The following SLC26A1 variants were observed in gnomAD, a reference collection of about 807,000 sequenced individuals.
The protein encoded by SLC26A1 is sulfate anion transporter 1.
A neutral mutation model predicts 14.5 loss-of-function variants in SLC26A1; 18 were observed. The ratio of observed to expected loss-of-function variants is 1.24; its 90% CI spans 0.86 to 1.84. SLC26A1 has a LOEUF of 1.84. SLC26A1 is among the 40% of genes most tolerant of loss of function. The pLI is 0.00. For synonymous variants in SLC26A1, 505 were observed against 492.0 expected, an observed-to-expected ratio of 1.03 and a Z score of -0.35; for missense variants, 1,049 against 1,020.0, an observed-to-expected ratio of 1.03 and a Z score of -0.39.
Position 988,128 on chromosome 4 carries a change from C to A in SLC26A1, c.*705G>T. 4 of 1,413,118 alleles carry A rather than the reference C, an allele frequency of 2.8e-6. No homozygotes were observed. Among genetic ancestry groups the A allele is most frequent in the Non-Finnish European group, 2.8e-6 (3 of 1,085,834 alleles). 87.5% of individuals were successfully genotyped at this position (1,413,118 alleles called of 1,614,324 possible). Reference sequence around the variant, plus strand: ...GTGAGGGCTGTGTGCTGGAGGGAGCCCCTGCATGGGGCACGGTGGGCTTCC... The same window carrying A: ...GTGAGGGCTGTGTGCTGGAGGGAGCACCTGCATGGGGCACGGTGGGCTTCC... On this transcript the variant is annotated 3_prime_UTR_variant, in exon 3 of 3. Coordinates refer to ENST00000398516, the MANE Select transcript of SLC26A1 (RefSeq NM_022042.4).
intron 2 of SLC26A1, among the ~76,000 whole-genome samples, chr4:982,337 G>T (rs1340485678): frequency 6.6e-6 from 1 of 152,172 alleles, no homozygotes; most frequent in Admixed American, 6.5e-5. Flanking sequence ...CTGTGGGAGG[G>T]GGCGGCTTCC....
At position 988,015 on chromosome 4, in the gene SLC26A1, C is replaced by T. The variant is rs1713881336; in HGVS notation, c.*818G>A. 8 of 1,509,726 alleles carry T rather than the reference C, an allele frequency of 5.3e-6. No homozygotes were observed. Among genetic ancestry groups the T allele is most frequent in the South Asian group, 1.2e-5 (1 of 80,018 alleles). 93.5% of individuals were successfully genotyped at this position (1,509,726 alleles called of 1,614,324 possible). A position where few individuals can be genotyped will look rare whatever the true frequency, so the allele number is the denominator to read the frequency against. ...CAGAGGCACAGATGGGAGGGGAGGG[C>T]TGGGGGCTGCTCGGAAGACCCCTTG... On this transcript the variant is annotated 3_prime_UTR_variant, in exon 3 of 3. Transcript: ENST00000398516.
chr4:987,342 C>G (rs1171961285), downstream of SLC26A1: 3 of 1,155,308 alleles, frequency 2.6e-6, no homozygotes, highest in East Asian at 2.9e-5. Context: ...GGAGCTCCCT[C>G]CTCTGGGGCC....
chr4:989,782 A>G lies in SLC26A1; in HGVS notation c.1157T>C (p.Leu386Pro). 3 of 1,567,350 alleles carry G rather than the reference A, an allele frequency of 1.9e-6. No individual in the cohort carries two copies. Among genetic ancestry groups the G allele is most frequent in the Non-Finnish European group, 2.6e-6 (3 of 1,156,852 alleles). The stretch of plus-strand genomic sequence containing the variant: ...GGCGAAGCAGTGGAGGAAGGCGGGT[A>G]GCACGTTGCAGCAGCCCACAGCCAG... The part of the protein sequence containing the change: ...ELLAVGCCNV[L>P]PAFLHCFATS... Residue 386 changes from leucine (L) to proline (P), a missense_variant, in exon 3 of 3, where the codon CTA becomes CCA. Leu to Pro is a moderately conservative substitution (Grantham distance 98, BLOSUM62 -3). Coordinates refer to ENST00000398516, the MANE Select transcript of SLC26A1 (RefSeq NM_022042.4).
chr4:990,420 C>T, intron 2 of SLC26A1, 58 bp from the exon 3 acceptor site: 11 of 1,485,568 alleles, frequency 7.4e-6, no homozygotes, highest in Non-Finnish European at 1.0e-5. Context: ...CTGCCCCTCA[C>T]CAGCACCTGG....
chr4:980,383 C>T (rs571313354), intron 2 of SLC26A1, among the ~76,000 whole-genome samples: 7 of 152,220 alleles, frequency 4.6e-5, no homozygotes, highest in South Asian at 2.1e-4. Flanking sequence ...GTCAAGAGAT[C>T]GAGACCATCC....
Position 989,599 on chromosome 4 carries a change from A to G in SLC26A1, c.1340T>C (p.Val447Ala), listed in dbSNP as rs1714073924. 2 of 1,601,660 alleles carry G rather than the reference A, an allele frequency of 1.2e-6. No individual in the cohort carries two copies. Among genetic ancestry groups the G allele is most frequent in the Non-Finnish European group, 1.7e-6 (2 of 1,175,776 alleles). The change falls in exon 3 of 3, where the codon GTG becomes GCG. Residue 447 changes from valine (V) to alanine (A), a missense_variant. Coordinates refer to ENST00000398516, the MANE Select transcript of SLC26A1 (RefSeq NM_022042.4). The stretch of plus-strand genomic sequence containing the variant: ...GCGCAGGGCCCCCCGCAGGCTGACC[A>G]CGATGACGCAGGCCAGCACGCTTCG... ...LQRSVLACVI[V>A]VSLRGALRKV...
At chr4:985,317 C>G (rs955717722), downstream of SLC26A1, among the ~76,000 whole-genome samples, 1 of 152,288 alleles carries the variant, frequency 6.6e-6, no homozygotes, top group Non-Finnish European at 1.5e-5. Flanking sequence ...GCCCCGCCCC[C>G]TCCCGGCTTG....
chr4:979,466 C>A, exon 3 of SLC26A1: 1 of 1,613,754 alleles, frequency 6.2e-7, no homozygotes, highest in Non-Finnish European at 8.5e-7. Flanking sequence ...GTGTTAATTG[C>A]CATGGGTGTT....
Position 990,125 on chromosome 4 carries a change from C to G in SLC26A1, c.814G>C (p.Ala272Pro). The G allele has an allele frequency of 6.3e-7, 1 of 1,576,642 alleles. No individual in the cohort carries two copies. The highest frequency in any genetic ancestry group is 2.3e-5 in the East Asian group (1 of 42,882). Residue 272 changes from alanine to proline, a missense_variant, in exon 3 of 3, where the codon GCG becomes CCG. Transcript: ENST00000398516. ...CDVVTSTVCL[A>P]VLLAAKELSD... ...AGCTCCTTCGCGGCTAGCAGCACCG[C>G]CAGGCACACCGTGCTGGTGACCACG... is the stretch of plus-strand genomic sequence containing the variant.
At chr4:980,023 A>G (rs1713490851) in intron 2 of SLC26A1, among the ~76,000 whole-genome samples, 1 of 152,232 alleles carries the variant, frequency 6.6e-6, no homozygotes, top group Admixed American at 6.5e-5. Context: ...ACACAGGGCC[A>G]CGGAGTGGAG....
Position 988,749 on chromosome 4 carries a change from T to C in SLC26A1, c.*84A>G. The C allele has an allele frequency of 2.1e-6, 3 of 1,436,974 alleles. No homozygotes were observed. Among genetic ancestry groups the C allele is most frequent in the Non-Finnish European group, 2.7e-6 (3 of 1,096,716 alleles). The allele number at this position is 1,436,974 out of a possible 1,614,324, so 89.0% of individuals were successfully genotyped here. ...GTGCAGCTCTTGGGTGGCTCCTCCC[T>C]GGGAAGGGTCTCAGCAGTGGCTTGC... On this transcript the variant is annotated 3_prime_UTR_variant, in exon 3 of 3. Coordinates refer to ENST00000398516, the MANE Select transcript of SLC26A1 (RefSeq NM_022042.4).
At position 988,361 on chromosome 4, in the gene SLC26A1, C is replaced by A; in HGVS notation, c.*472G>T. The A allele has an allele frequency of 5.6e-6, 6 of 1,076,788 alleles. No individual in the cohort carries two copies. The highest frequency in any genetic ancestry group is 6.8e-6 in the Non-Finnish European group (6 of 887,388). 66.7% of individuals were successfully genotyped at this position (1,076,788 alleles called of 1,614,324 possible). A position where few individuals can be genotyped will look rare whatever the true frequency, so the allele number is the denominator to read the frequency against. On this transcript the variant is annotated 3_prime_UTR_variant, in exon 3 of 3. Coordinates refer to ENST00000398516, the MANE Select transcript of SLC26A1 (RefSeq NM_022042.4). ...AGGGGGAGGCACGAGGTGTGAGGGGCACTTGGGTGTGTGGGGCCTTCTGGA... is the reference window on the plus strand; with the variant it reads ...AGGGGGAGGCACGAGGTGTGAGGGGAACTTGGGTGTGTGGGGCCTTCTGGA...
At position 987,896 on chromosome 4, in the gene SLC26A1, C is replaced by G. The variant is rs148775298; in HGVS notation, c.*937G>C. The G allele has an allele frequency of 5.1e-3, 8,173 of 1,609,594 alleles. 32 individuals carry two copies. Among genetic ancestry groups the G allele is most frequent in the Non-Finnish European group, 6.3e-3 (7,368 of 1,178,670 alleles). ...TCGCCTATGTGGGCGCCGTCCCTCACCGCGGCATCAAGCAGGTCCGGACCC... is the reference window on the plus strand; with the variant it reads ...TCGCCTATGTGGGCGCCGTCCCTCAGCGCGGCATCAAGCAGGTCCGGACCC... On this transcript the variant is annotated 3_prime_UTR_variant, in exon 3 of 3. Coordinates refer to ENST00000398516, the MANE Select transcript of SLC26A1 (RefSeq NM_022042.4).
downstream of SLC26A1, chr4:987,370 G>GC: frequency 8.4e-6 from 8 of 957,276 alleles, no homozygotes; most frequent in South Asian, 3.5e-5. Flanking sequence ...TCCCGGGCCC[G>GC]CCCCCCGCCG....
downstream of SLC26A1, among the ~76,000 whole-genome samples, chr4:984,643 C>T (rs1713644520): frequency 1.3e-5 from 2 of 152,130 alleles, no homozygotes; most frequent in Admixed American, 1.3e-4. Flanking sequence ...CCAGCCTGGC[C>T]AGGATGGTAA....
chr4:988,605 C>T lies in SLC26A1; in HGVS notation c.*228G>A. The T allele has an allele frequency of 7.3e-7, 1 of 1,373,474 alleles. No homozygotes were observed. Among genetic ancestry groups the T allele is most frequent in the Non-Finnish European group, 9.4e-7 (1 of 1,068,722 alleles). The allele number at this position is 1,373,474 out of a possible 1,614,324, so 85.1% of individuals were successfully genotyped here. On this transcript the variant is annotated 3_prime_UTR_variant, in exon 3 of 3. Transcript: ENST00000398516. Reference sequence around the variant, plus strand: ...TTGGGGCCCAGCCAGCACTGTGGGCCAGCCTGTCTCGGAGGCAGAGGTTCT... The same window carrying T: ...TTGGGGCCCAGCCAGCACTGTGGGCTAGCCTGTCTCGGAGGCAGAGGTTCT...
In SLC26A1 at chr4:989,738, T is replaced by C; in HGVS notation, c.1201A>G (p.Lys401Glu). The C allele has an allele frequency of 6.4e-7, 1 of 1,557,514 alleles. No individual in the cohort carries two copies. Among genetic ancestry groups the C allele is most frequent in the Non-Finnish European group, 8.7e-7 (1 of 1,151,158 alleles). The change falls in exon 3 of 3, where the codon AAG (lysine) becomes GAG (glutamate). Residue 401 changes from lysine (K) to glutamate (E), a missense_variant. Transcript: ENST00000398516. The stretch of plus-strand genomic sequence containing the variant: ...CCAGTGGCTGTCTTCACCAGGCTCT[T>C]GGCCAGGGCGGCGCTGGTGGCGAAG... ...HCFATSAALA[K>E]SLVKTATGCR...
rs758887873 is a variant in SLC26A1 at position 989,069 on chromosome 4, C to T, written c.1870G>A (p.Ala624Thr). Residue 624 changes from alanine (A) to threonine (T), a missense_variant, in exon 3 of 3, where the codon GCA becomes ACA. Coordinates refer to ENST00000398516, the MANE Select transcript of SLC26A1 (RefSeq NM_022042.4). ...TCCTGCAGCGTGCTCACACCGGCTG[C>T]GTCTAGGAACAGCAGCGGGGCGCAG... The part of the protein sequence containing the change: ...IDCAPLLFLD[A>T]AGVSTLQDLR... The T allele has an allele frequency of 2.0e-5, 31 of 1,589,730 alleles. No individual in the cohort carries two copies. In the South Asian group the frequency reaches 2.8e-4, roughly 15 times the overall value.
Sources: gnomAD v4.1 joint callset for allele counts (sites outside exome capture counted in the v4.1 genomes callset) on GRCh38, gnomAD v4.1.1 for gene constraint, MANE v1.5 for transcripts, NCBI Gene and HGNC (gene_info 2026-07-23, HGNC 2026-07-21) for gene names.